The following FANCL variants were observed in gnomAD, a reference collection of about 807,000 sequenced individuals.
The protein encoded by FANCL is E3 ubiquitin-protein ligase FANCL.
Under a neutral mutation model 59.4 loss-of-function variants are expected in FANCL, and 69 were observed. The observed-to-expected ratio is 1.16, with a 90% CI of 0.96 to 1.42. FANCL has a LOEUF of 1.42. Ranked by LOEUF, FANCL falls within the 40% of genes most tolerant of loss-of-function variation. The pLI is 0.00. For synonymous variants in FANCL, 180 were observed against 147.1 expected, an observed-to-expected ratio of 1.22 and a Z score of -1.62; for missense variants, 519 against 447.2, an observed-to-expected ratio of 1.16 and a Z score of -1.45.
At chr2:58,170,991 T>C (rs1686546146) in intron 7 of FANCL, among the ~76,000 whole-genome samples, 1 of 152,078 alleles carries the variant, frequency 6.6e-6, no homozygotes, top group Admixed American at 6.6e-5. Flanking sequence ...AACAAGGATA[T>C]TCAGGAGTTG....
Position 58,163,497 on chromosome 2 carries a change from T to C in FANCL, c.712A>G (p.Ile238Val), listed in dbSNP as rs776189946. 9.3e-6 allele frequency: 15 copies of C among 1,605,286 alleles called. No individual in the cohort carries two copies. The South Asian group carries it at 9.9e-5, about 11-fold the overall frequency. ...IALGNNVSIN[I>V]EVDPRHPTML... ...GTAGGATGCCTGGGGTCTACCTCTA[T>C]ATTTATGGAAACATTATTACCTAGA... Residue 238 changes from isoleucine to valine, a missense_variant, in exon 9 of 14, where the codon ATA (isoleucine) becomes GTA (valine). Ile to Val is a conservative substitution (Grantham distance 29). Coordinates refer to ENST00000233741, the MANE Select transcript of FANCL (RefSeq NM_018062.4).
intron 7 of FANCL, among the ~76,000 whole-genome samples, chr2:58,190,508 A>C (rs1573640910): frequency 6.6e-6 from 1 of 151,566 alleles, no homozygotes; most frequent in Non-Finnish European, 1.5e-5. Context: ...AGTGGACCAG[A>C]AAAAAAGAAA....
intron 7 of FANCL, among the ~76,000 whole-genome samples, chr2:58,195,003 C>G (rs1331233139): frequency 1.3e-5 from 2 of 151,386 alleles, no homozygotes; most frequent in African/African-American, 4.9e-5. Flanking sequence ...TACACAAAAG[C>G]AGAAAGGGAT....
chr2:58,201,790 A>G (rs1690049400), intron 6 of FANCL, among the ~76,000 whole-genome samples: 2 of 151,934 alleles, frequency 1.3e-5, no homozygotes, highest in South Asian at 4.1e-4. Flanking sequence ...CAAAATAGGT[A>G]TTTGTTTTCT....
intron 12 of FANCL, 87 bp downstream of exon 12, chr2:58,161,435 A>G: frequency 2.3e-6 from 2 of 886,838 alleles, no homozygotes; most frequent in East Asian, 2.4e-5. Context: ...TTGACTCAAC[A>G]GATTTTAGAT....
At chr2:58,178,019 A>C (rs1431089098) in intron 7 of FANCL, among the ~76,000 whole-genome samples, 1 of 151,942 alleles carries the variant, frequency 6.6e-6, no homozygotes, top group Non-Finnish European at 1.5e-5. Context: ...GGACACATAC[A>C]CCCTCCCAAG....
At chr2:58,194,264 G>C (rs895937112) in intron 7 of FANCL, 2 of 470,916 alleles carry the variant, frequency 4.2e-6, no homozygotes, top group Non-Finnish European at 4.4e-6. Context: ...ATTTTTGCTT[G>C]ATCAGTGACC....
chr2:58,221,252 G>T (rs1692452258), intron 5 of FANCL, among the ~76,000 whole-genome samples: 1 of 151,540 alleles, frequency 6.6e-6, no homozygotes, highest in Non-Finnish European at 1.5e-5. Flanking sequence ...GCTCAAAGTA[G>T]AAAGGTTATA....
intron 7 of FANCL, among the ~76,000 whole-genome samples, chr2:58,192,065 T>C (rs1231665561): frequency 2.6e-5 from 4 of 151,902 alleles, no homozygotes; most frequent in East Asian, 3.8e-4. Flanking sequence ...TGAAGGTCTA[T>C]AGTAAAGTCA....
chr2:58,194,108 G>C (rs952494522), intron 7 of FANCL: 3 of 418,370 alleles, frequency 7.2e-6, no homozygotes, highest in African/African-American at 4.2e-5. Context: ...TTCCAAGAAT[G>C]TAAGATTTCC....
intron 7 of FANCL, among the ~76,000 whole-genome samples, chr2:58,173,881 TC>T (rs916197605): frequency 6.6e-6 from 1 of 151,936 alleles, no homozygotes; most frequent in Non-Finnish European, 1.5e-5. Context: ...TGTGCTGTAT[TC>T]AGGAAACAAA....
intron 6 of FANCL, among the ~76,000 whole-genome samples, chr2:58,201,886 T>C (rs957502512): frequency 3.3e-5 from 5 of 151,834 alleles, no homozygotes; most frequent in African/African-American, 1.2e-4. Context: ...TGCATTTATT[T>C]ACTGTATATT....
intron 7 of FANCL, among the ~76,000 whole-genome samples, chr2:58,182,096 A>C (rs567463627): frequency 6.6e-6 from 1 of 152,004 alleles, no homozygotes; most frequent in South Asian, 2.1e-4. Context: ...GGCTGAAAAA[A>C]TACATCTTAA....
intron 5 of FANCL, among the ~76,000 whole-genome samples, chr2:58,217,166 TTATATATATATATATATATA>T (rs1158149205): frequency 1.3e-4 from 6 of 47,340 alleles, no homozygotes; most frequent in Non-Finnish European, 1.6e-4. Context: ...TTTATATATT[TTATATATATATATATATATA>T]TATATATATA....
chr2:58,202,920 T>C (rs1028622934), intron 6 of FANCL, among the ~76,000 whole-genome samples: 1 of 151,412 alleles, frequency 6.6e-6, no homozygotes. Context: ...AAACGGCTAA[T>C]TTTACTAAGG....
chr2:58,163,157 A>T, intron 9 of FANCL, 83 bp from the exon 10 acceptor site: 2 of 1,211,016 alleles, frequency 1.7e-6, no homozygotes, highest in Non-Finnish European at 2.4e-6. Flanking sequence ...AATGTTTCTT[A>T]ACTACTTGAT....
chr2:58,217,596 A>T (rs1029723300), intron 5 of FANCL, among the ~76,000 whole-genome samples: 2 of 152,068 alleles, frequency 1.3e-5, no homozygotes, highest in South Asian at 4.1e-4. Flanking sequence ...TCTAGAGATG[A>T]AAAGAAACAT....
intron 7 of FANCL, among the ~76,000 whole-genome samples, chr2:58,186,385 T>A (rs1688407145): frequency 6.6e-6 from 1 of 152,108 alleles, no homozygotes; most frequent in Non-Finnish European, 1.5e-5. Flanking sequence ...AAGCTTGAGA[T>A]TTCCCCAGAA....
At position 58,160,153 on chromosome 2, in the gene FANCL, T is replaced by C. The variant is rs1389699174; in HGVS notation, c.1047A>G (p.Arg349=). ...YEWLRGLLTS[R]QSFNIIFGEC... ...CACCAAATATGATGTTAAAACTCTG[T>C]CTACTAGTTAGTAGTCCTCTCAGCC... The change falls in exon 13 of 14, where the codon AGA becomes AGG. Residue 349 remains arginine, a synonymous_variant. Coordinates refer to ENST00000233741, the MANE Select transcript of FANCL (RefSeq NM_018062.4). 6.2e-7 allele frequency: 1 copy of C among 1,612,906 alleles called. No individual in the cohort carries two copies.
Sources: allele counts gnomAD v4.1 joint callset (sites outside exome capture counted in the v4.1 genomes callset), GRCh38; gene constraint gnomAD v4.1.1; transcripts MANE v1.5; gene names NCBI Gene and HGNC (gene_info 2026-07-23, HGNC 2026-07-21).